RAB11FIP4: variants seen among roughly 807,000 people sequenced by gnomAD.
RAB11FIP4 encodes RAB11 family interacting protein 4, also known as rab11 family-interacting protein 4.
Under a neutral mutation model 74.3 loss-of-function variants are expected in RAB11FIP4, and 23 were observed. The ratio of observed to expected loss-of-function variants is 0.31; its 90% CI spans 0.22 to 0.44. RAB11FIP4 has a LOEUF of 0.44. Among genes scored for constraint, RAB11FIP4 ranks in the 20% least tolerant of loss-of-function variants. RAB11FIP4 has a pLI of 1.00. For missense variants in RAB11FIP4, 630 were observed against 863.9 expected (o/e 0.73, Z 3.39); for synonymous variants, 360 against 359.9 (o/e 1.00, Z 0.00).
chr17:31,523,161 C>A (rs1388113487), intron 7 of RAB11FIP4: 4 of 349,768 alleles, frequency 1.1e-5, no homozygotes, highest in Non-Finnish European at 2.2e-5. Flanking sequence ...GGGCTACCTC[C>A]TTGGGGGCTT....
chr17:31,503,787 C>T lies in RAB11FIP4; in HGVS notation c.337-13864C>T, dbSNP rs1445966757. ...GGCTCCAGTTTCTGTGGACTCTACC[C>T]GCTAGGATAGTATTCTTTCAGGATG... On this transcript the variant is annotated intron_variant, in intron 3 of 14. Transcript: ENST00000621161. Among the ~76,000 whole-genome samples the T allele has an allele frequency of 3.3e-5, 5 of 149,684 alleles. 1 individual carries two copies. The highest frequency in any genetic ancestry group is 1.3e-4 in the African/African-American group (5 of 39,062).
At chr17:31,481,889 C>G (rs12603282) in intron 3 of RAB11FIP4, among the ~76,000 whole-genome samples, 56,693 of 151,940 alleles carry the variant, frequency 0.37, 11,567 homozygotes, top group East Asian at 0.47. Flanking sequence ...CAGGTCCCAC[C>G]CCGTCTGCAC....
At chr17:31,501,766 TC>T in intron 3 of RAB11FIP4, 1 of 197,536 alleles carries the variant, frequency 5.1e-6, no homozygotes, top group Non-Finnish European at 1.1e-5. Flanking sequence ...TCCGCCCGCC[TC>T]GGCCTCCCAA....
chr17:31,396,475 C>T (rs758866698), intron 1 of RAB11FIP4, among the ~76,000 whole-genome samples: 36 of 152,172 alleles, frequency 2.4e-4, no homozygotes, highest in Non-Finnish European at 4.6e-4. Flanking sequence ...ATACAAAGGG[C>T]TTAGTCCAGT....
chr17:31,433,927 C>T, intron 2 of RAB11FIP4, 107 bp from the exon 3 acceptor site: 2 of 1,106,872 alleles, frequency 1.8e-6, no homozygotes, highest in Non-Finnish European at 2.6e-6. Context: ...AGCCTCGGGC[C>T]CCCACCTCAG....
At chr17:31,484,656 C>G (rs2071883890) in intron 3 of RAB11FIP4, among the ~76,000 whole-genome samples, 1 of 152,054 alleles carries the variant, frequency 6.6e-6, no homozygotes, top group African/African-American at 2.4e-5. Flanking sequence ...CATTGCTTCT[C>G]TGAACCCTGC....
intron 3 of RAB11FIP4, chr17:31,488,236 C>T: frequency 8.7e-7 from 1 of 1,153,720 alleles, no homozygotes; most frequent in Non-Finnish European, 1.1e-6. Context: ...CGGGGAGCGG[C>T]CCGCGGATGC....
chr17:31,475,663 G>A (rs1478433389), intron 3 of RAB11FIP4, among the ~76,000 whole-genome samples: 1 of 152,194 alleles, frequency 6.6e-6, no homozygotes, highest in Non-Finnish European at 1.5e-5. Context: ...TGGTGAAGAT[G>A]TGAGTTGCCC....
At chr17:31,528,311 C>A in intron 11 of RAB11FIP4, 95 bp from the exon 12 acceptor site, 1 of 1,408,140 alleles carries the variant, frequency 7.1e-7, no homozygotes, top group South Asian at 1.4e-5. Flanking sequence ...GCATCTGCCT[C>A]GTGAAGATGG....
intron 3 of RAB11FIP4, among the ~76,000 whole-genome samples, chr17:31,454,739 T>G (rs1463068964): frequency 6.6e-6 from 1 of 152,050 alleles, no homozygotes; most frequent in Non-Finnish European, 1.5e-5. Flanking sequence ...CAAAAATTAA[T>G]CAGGCCCGGT....
rs1567681087 is a variant in RAB11FIP4 at position 31,505,491 on chromosome 17, T to TATA, written c.337-12157_337-12155dup. Reference sequence around the variant, plus strand: ...ATAATAATAATTATAATATATAATATATAATTATTATATTATATATAATAA... The same window carrying TATA: ...ATAATAATAATTATAATATATAATATATAATAATTATTATATTATATATAATAA... On this transcript the variant is annotated intron_variant, in intron 3 of 14. Coordinates refer to ENST00000621161, the MANE Select transcript of RAB11FIP4 (RefSeq NM_032932.6). Among the ~76,000 whole-genome samples, 49 of 65,790 alleles carry TATA rather than the reference T, an allele frequency of 7.4e-4. 1 individual carries two copies. The highest frequency in any genetic ancestry group is 2.8e-3 in the African/African-American group (45 of 16,132). 43.2% of individuals were successfully genotyped at this position (65,790 alleles called of 152,430 possible).
Position 31,434,117 on chromosome 17 carries a change from G to A in RAB11FIP4, c.331G>A (p.Glu111Lys), listed in dbSNP as rs1188882432. 10 of 1,577,612 alleles carry A rather than the reference G, an allele frequency of 6.3e-6. No homozygotes were observed. The East Asian group carries it at 2.3e-4, about 36-fold the overall frequency. The stretch of plus-strand genomic sequence containing the variant: ...CGCGCCAGAGATCCCAGACTGCGTG[G>A]AGCAGGTAAGGCTTGGGGGGCCTCA... ...PCAPEIPDCV[E>K]QGSEVTGPTF... Residue 111 changes from glutamate (E) to lysine (K), a missense_variant, in exon 3 of 15, where the codon GAG (glutamate) becomes AAG (lysine). Coordinates refer to ENST00000621161, the MANE Select transcript of RAB11FIP4 (RefSeq NM_032932.6).
rs539345942 is a variant in RAB11FIP4 at position 31,434,064 on chromosome 17, C to T, written c.278C>T (p.Ser93Leu). Residue 93 changes from serine (S) to leucine (L), a missense_variant, in exon 3 of 15, where the codon TCG (serine) becomes TTG (leucine). By Grantham distance (145) the Ser-to-Leu change is moderately radical. Coordinates refer to ENST00000621161, the MANE Select transcript of RAB11FIP4 (RefSeq NM_032932.6). ...GCEELLKDVLSVESAGTLPCA... is the reference protein window; with the variant it reads ...GCEELLKDVLLVESAGTLPCA... ...GAGGAGCTGCTGAAGGATGTGCTGT[C>T]GGTGGAGAGCGCGGGGACGCTGCCG... 13 of 1,586,870 alleles carry T rather than the reference C, an allele frequency of 8.2e-6. No individual in the cohort carries two copies. The highest frequency in any genetic ancestry group is 5.3e-5 in the Admixed American group (3 of 56,540).
intron 8 of RAB11FIP4, 28 bp downstream of exon 8, chr17:31,523,639 C>A: frequency 1.3e-6 from 2 of 1,577,516 alleles, no homozygotes; most frequent in South Asian, 2.2e-5. Flanking sequence ...GGAGAAGGGA[C>A]TGAATGCATG....
At chr17:31,426,528 G>A (rs2071251303) in intron 1 of RAB11FIP4, among the ~76,000 whole-genome samples, 1 of 151,224 alleles carries the variant, frequency 6.6e-6, no homozygotes, top group Non-Finnish European at 1.5e-5. Context: ...TTGATGGTAT[G>A]TATTGGTAAT....
intron 3 of RAB11FIP4, among the ~76,000 whole-genome samples, chr17:31,515,920 A>G (rs1473662765): frequency 6.6e-6 from 1 of 152,154 alleles, no homozygotes; most frequent in East Asian, 1.9e-4. Context: ...ACACACTGTC[A>G]TTATGCTGGG....
intron 3 of RAB11FIP4, among the ~76,000 whole-genome samples, chr17:31,445,532 T>TATATATA (rs2071443858): frequency 2.7e-5 from 1 of 36,592 alleles, no homozygotes; most frequent in African/African-American, 1.7e-4. Context: ...TTTCCCAATT[T>TATATATA]TATATATATA....
At chr17:31,476,541 C>G (rs548250927) in intron 3 of RAB11FIP4, among the ~76,000 whole-genome samples, 4 of 152,194 alleles carry the variant, frequency 2.6e-5, no homozygotes, top group Admixed American at 1.3e-4. Context: ...AGAGACTAGA[C>G]GAGCTACAGG....
Position 31,525,032 on chromosome 17 carries a change from C to T in RAB11FIP4, c.1134-58C>T, listed in dbSNP as rs946955130. The T allele has an allele frequency of 1.9e-6, 3 of 1,548,158 alleles. No individual in the cohort carries two copies. The African/African-American group carries it at 4.1e-5, about 21-fold the overall frequency. On this transcript the variant is annotated intron_variant, in intron 9 of 14. Transcript: ENST00000621161. ...GGGCCCAGGGTCCCCCGTGCCACAGCCTGGGTTGGGGTGAAATGGTGCAGG... is the reference window on the plus strand; with the variant it reads ...GGGCCCAGGGTCCCCCGTGCCACAGTCTGGGTTGGGGTGAAATGGTGCAGG...
Sources: gnomAD v4.1 joint callset for allele counts (sites outside exome capture counted in the v4.1 genomes callset) on GRCh38, gnomAD v4.1.1 for gene constraint, MANE v1.5 for transcripts, NCBI Gene and HGNC (gene_info 2026-07-23, HGNC 2026-07-21) for gene names.